Variants in STEAP1B observed in about 807,000 individuals in gnomAD.
STEAP1B encodes the protein STEAP family protein MGC87042.
A neutral mutation model predicts 27.9 loss-of-function variants in STEAP1B; 13 were observed. That is an observed-to-expected ratio of 0.47 (90% CI 0.30 to 0.74). The LOEUF (loss-of-function observed/expected upper bound fraction) is 0.74, where lower values mean the gene tolerates loss of function less well. Among genes scored for constraint, STEAP1B ranks in the 30% least tolerant of loss-of-function variants. The probability of loss-of-function intolerance (pLI) is 0.06; values close to 1 mark genes in which losing one functional copy is unlikely to be tolerated. For missense variants in STEAP1B, 250 were observed against 298.7 expected (o/e 0.84, Z 1.20); for synonymous variants, 86 against 107.1 (o/e 0.80, Z 1.22).
At chr7:22,470,349 G>C (rs1272418283) in intron 4 of STEAP1B, among the ~76,000 whole-genome samples, 4 of 152,186 alleles carry the variant, frequency 2.6e-5, no homozygotes. Flanking sequence ...GTAACAAAAA[G>C]TAAGATGAAT....
chr7:22,455,559 G>T (rs1034750126), intron 4 of STEAP1B, among the ~76,000 whole-genome samples: 2 of 152,050 alleles, frequency 1.3e-5, no homozygotes, highest in African/African-American at 2.4e-5. Context: ...TCCACTCCCC[G>T]TTTTTTATTA....
chr7:22,459,624 C>A (rs1355167696), intron 4 of STEAP1B, among the ~76,000 whole-genome samples: 1 of 152,136 alleles, frequency 6.6e-6, no homozygotes, highest in Non-Finnish European at 1.5e-5. Flanking sequence ...GTTTCCATAT[C>A]CTCTCCTCCT....
rs148719421 is a variant in STEAP1B at position 22,425,878 on chromosome 7, C to T, written c.763-6042G>A. 7.9e-5 allele frequency among the ~76,000 whole-genome samples: 12 copies of T among 152,358 alleles called. No individual in the cohort carries two copies. The East Asian group carries it at 1.3e-3, about 17-fold the overall frequency. ...TCCTGCTGAAATCAGCTACAATTCC[C>T]AGAACTACTTCCCATTACATATTCA... On this transcript the variant is annotated intron_variant, in intron 4 of 4. Transcript: ENST00000678116.
At chr7:22,480,062 C>T (rs1454092725) in intron 4 of STEAP1B, among the ~76,000 whole-genome samples, 1 of 152,196 alleles carries the variant, frequency 6.6e-6, no homozygotes, top group East Asian at 1.9e-4. Flanking sequence ...ATCTCCATCA[C>T]TGCAGCAAGT....
chr7:22,492,790 T>G, intron 3 of STEAP1B, 61 bp from the exon 4 acceptor site: 1 of 1,546,346 alleles, frequency 6.5e-7, no homozygotes, highest in Non-Finnish European at 8.7e-7. Context: ...TGAATGTGAA[T>G]CTCCTTCTAC....
At chr7:22,482,099 T>C (rs1289967424) in intron 4 of STEAP1B, among the ~76,000 whole-genome samples, 1 of 152,174 alleles carries the variant, frequency 6.6e-6, no homozygotes, top group African/African-American at 2.4e-5. Context: ...AGAGTCCTGC[T>C]TGCAAGGGTA....
intron 4 of STEAP1B, among the ~76,000 whole-genome samples, chr7:22,436,031 C>T (rs888861777): frequency 6.6e-6 from 1 of 152,180 alleles, no homozygotes; most frequent in South Asian, 2.1e-4. Context: ...CCAGCCTCAC[C>T]AATCCTTAGG....
intron 4 of STEAP1B, among the ~76,000 whole-genome samples, chr7:22,436,387 G>A (rs966327213): frequency 2.0e-5 from 3 of 151,872 alleles, no homozygotes; most frequent in African/African-American, 7.2e-5. Flanking sequence ...TGTGTGTCAT[G>A]AGAACACTAA....
In STEAP1B at chr7:22,437,919, C is replaced by G. The variant is rs78754963; in HGVS notation, c.763-18083G>C. On this transcript the variant is annotated intron_variant, in intron 4 of 4. Coordinates refer to ENST00000678116, the MANE Select transcript of STEAP1B (RefSeq NM_001382447.1). Reference sequence around the variant, plus strand: ...AGTGTACATCTTTTTGGGAAAACGTCTATTCATTTTCTTTGCTCATTTTTT... The same window carrying G: ...AGTGTACATCTTTTTGGGAAAACGTGTATTCATTTTCTTTGCTCATTTTTT... Among the ~76,000 whole-genome samples the G allele has an allele frequency of 7.4e-3, 1,130 of 152,162 alleles. 14 individuals carry two copies. The highest frequency in any genetic ancestry group is 0.026 in the African/African-American group (1,065 of 41,510).
chr7:22,462,859 G>A (rs1475772406), intron 4 of STEAP1B, among the ~76,000 whole-genome samples: 1 of 151,832 alleles, frequency 6.6e-6, no homozygotes, highest in Non-Finnish European at 1.5e-5. Flanking sequence ...CAGTGTAAAA[G>A]TGTTCCTATT....
chr7:22,455,808 A>G (rs1327889484), intron 4 of STEAP1B, among the ~76,000 whole-genome samples: 1 of 152,322 alleles, frequency 6.6e-6, no homozygotes, highest in East Asian at 1.9e-4. Flanking sequence ...TTTGGAATTC[A>G]TCTGTGCACT....
At position 22,492,728 on chromosome 7, in the gene STEAP1B, A is replaced by C; in HGVS notation, c.599T>G (p.Val200Gly). The C allele has an allele frequency of 6.3e-7, 1 of 1,586,950 alleles. No individual in the cohort carries two copies. Among genetic ancestry groups the C allele is most frequent in the South Asian group, 1.2e-5 (1 of 84,422 alleles). Residue 200 changes from valine (V) to glycine (G), a missense_variant and splice_region_variant, in exon 4 of 5, where the codon GTC becomes GGC. Coordinates refer to ENST00000678116, the MANE Select transcript of STEAP1B (RefSeq NM_001382447.1). ...YKLLNWAYQQ[V>G]QQNKEDAWIE... is the part of the protein sequence containing the mutation. ...CCAGGCATCTTCTTTATTTTGTTGGACCTACCAGAAGGTAAATAAAGAAAG... is the reference window on the plus strand; with the variant it reads ...CCAGGCATCTTCTTTATTTTGTTGGCCCTACCAGAAGGTAAATAAAGAAAG...
chr7:22,456,165 C>T (rs1785576177), intron 4 of STEAP1B, among the ~76,000 whole-genome samples: 1 of 151,930 alleles, frequency 6.6e-6, no homozygotes, highest in Admixed American at 6.6e-5. Flanking sequence ...AAAAAATCTT[C>T]CTAATCCATT....
At chr7:22,449,438 T>C (rs1260046836) in intron 4 of STEAP1B, among the ~76,000 whole-genome samples, 4 of 152,216 alleles carry the variant, frequency 2.6e-5, no homozygotes, top group Admixed American at 6.5e-5. Context: ...AATATAATGA[T>C]CTCCAGTTAC....
chr7:22,444,537 C>T (rs1299645122), intron 4 of STEAP1B, among the ~76,000 whole-genome samples: 2 of 152,198 alleles, frequency 1.3e-5, no homozygotes, highest in African/African-American at 4.8e-5. Flanking sequence ...TGCAGACACA[C>T]TACTCAAACC....
At chr7:22,488,926 C>T (rs968655286) in intron 4 of STEAP1B, among the ~76,000 whole-genome samples, 3 of 152,128 alleles carry the variant, frequency 2.0e-5, no homozygotes, top group African/African-American at 7.2e-5. Flanking sequence ...CCACGTAGAT[C>T]AAATTGTTGA....
intron 4 of STEAP1B, among the ~76,000 whole-genome samples, chr7:22,478,034 CA>C (rs924328537): frequency 2.6e-5 from 4 of 152,162 alleles, no homozygotes; most frequent in African/African-American, 9.7e-5. Context: ...TGTCAATCAG[CA>C]AAGCTCTGGA....
chr7:22,439,585 A>G (rs1248056050), intron 4 of STEAP1B, among the ~76,000 whole-genome samples: 1 of 152,200 alleles, frequency 6.6e-6, no homozygotes, highest in African/African-American at 2.4e-5. Flanking sequence ...ATGTTTTTAT[A>G]GTAGTAATAG....
chr7:22,482,817 C>G (rs1562582885), intron 4 of STEAP1B, among the ~76,000 whole-genome samples: 2 of 152,194 alleles, frequency 1.3e-5, no homozygotes, highest in Admixed American at 1.3e-4. Context: ...TCTCCCCACC[C>G]TACACACACT....
Sources: gnomAD v4.1 joint callset for allele counts (sites outside exome capture counted in the v4.1 genomes callset) on GRCh38, gnomAD v4.1.1 for gene constraint, MANE v1.5 for transcripts, NCBI Gene and HGNC (gene_info 2026-07-23, HGNC 2026-07-21) for gene names.